KCNB2: variants seen among roughly 807,000 people sequenced by gnomAD.
The protein encoded by KCNB2 is delayed rectifier potassium channel protein.
KCNB2 carries 15 observed loss-of-function variants against 61.5 expected under a neutral mutation model. The observed-to-expected ratio is 0.24, with a 90% CI of 0.16 to 0.38. The LOEUF is 0.38. Ranked by LOEUF, KCNB2 falls within the 10% of genes least tolerant of loss-of-function variation. KCNB2 has a pLI of 1.00. For synonymous variants in KCNB2, 457 were observed against 446.0 expected (o/e 1.02, Z -0.31); for missense variants, 828 against 1,125.2 (o/e 0.74, Z 3.78).
At chr8:72,630,278 A>AT (rs942026152) in intron 2 of KCNB2, among the ~76,000 whole-genome samples, 215 of 151,734 alleles carry the variant, frequency 1.4e-3, no homozygotes, top group African/African-American at 4.7e-3. Flanking sequence ...CTTCAAGCAA[A>AT]TTTTTTTTTC....
chr8:72,543,315 A>G (rs769017120), intron 1 of KCNB2, among the ~76,000 whole-genome samples: 2 of 152,238 alleles, frequency 1.3e-5, no homozygotes, highest in Non-Finnish European at 2.9e-5. Context: ...TAAAAGATGT[A>G]CTAAAATAGA....
chr8:72,758,436 G>C (rs985378735), intron 2 of KCNB2, among the ~76,000 whole-genome samples: 20 of 152,154 alleles, frequency 1.3e-4, no homozygotes, highest in African/African-American at 4.8e-4. Context: ...AGCCGAACAG[G>C]CTCAAAACAA....
chr8:72,815,979 G>C (rs919417058), intron 2 of KCNB2, among the ~76,000 whole-genome samples: 1 of 152,132 alleles, frequency 6.6e-6, no homozygotes, highest in African/African-American at 2.4e-5. Context: ...ATAGCAATGA[G>C]AGAGGAGAGA....
chr8:72,919,804 T>C (rs988532450), intron 2 of KCNB2, among the ~76,000 whole-genome samples: 1 of 152,242 alleles, frequency 6.6e-6, no homozygotes, highest in African/African-American at 2.4e-5. Flanking sequence ...TGTATTTTTA[T>C]CTGTAGACTA....
chr8:72,820,773 CCT>C (rs1455501746), intron 2 of KCNB2, among the ~76,000 whole-genome samples: 2 of 152,100 alleles, frequency 1.3e-5, no homozygotes, highest in Non-Finnish European at 2.9e-5. Context: ...CACTTCTGAT[CCT>C]CTCTGTCAGA....
At chr8:72,667,497 G>A (rs367747021) in intron 2 of KCNB2, among the ~76,000 whole-genome samples, 7 of 151,762 alleles carry the variant, frequency 4.6e-5, no homozygotes, top group Admixed American at 1.3e-4. Flanking sequence ...AGTCTTCTTC[G>A]TTTTGGTAAA....
At chr8:72,928,387 G>T (rs1173577284) in intron 2 of KCNB2, among the ~76,000 whole-genome samples, 2 of 151,894 alleles carry the variant, frequency 1.3e-5, no homozygotes, top group Admixed American at 6.6e-5. Context: ...GTAGAGACAA[G>T]ATTTCACCAT....
chr8:72,538,921 G>C (rs1336213177), intron 1 of KCNB2, among the ~76,000 whole-genome samples: 1 of 152,140 alleles, frequency 6.6e-6, no homozygotes, highest in East Asian at 1.9e-4. Flanking sequence ...ACATTTCATA[G>C]GACAAGCGAG....
At chr8:72,791,053 G>A (rs185692159) in intron 2 of KCNB2, among the ~76,000 whole-genome samples, 325 of 152,304 alleles carry the variant, frequency 2.1e-3, no homozygotes, top group Non-Finnish European at 3.6e-3. Flanking sequence ...TCTTCCCAAG[G>A]ATTTGCATGT....
intron 2 of KCNB2, among the ~76,000 whole-genome samples, chr8:72,849,872 A>C (rs1206341558): frequency 6.6e-6 from 1 of 152,142 alleles, no homozygotes; most frequent in Non-Finnish European, 1.5e-5. Flanking sequence ...CTAACATCTA[A>C]CAATTATGTG....
chr8:72,699,877 A>G (rs532077204), intron 2 of KCNB2, among the ~76,000 whole-genome samples: 5 of 152,306 alleles, frequency 3.3e-5, no homozygotes, highest in South Asian at 2.1e-4. Flanking sequence ...TCATTCTACC[A>G]TAAAGACACA....
At chr8:72,695,041 C>A (rs1806997060) in intron 2 of KCNB2, among the ~76,000 whole-genome samples, 1 of 151,952 alleles carries the variant, frequency 6.6e-6, no homozygotes, top group East Asian at 1.9e-4. Flanking sequence ...GATAAAACTT[C>A]ATCATTATAT....
intron 2 of KCNB2, among the ~76,000 whole-genome samples, chr8:72,849,502 A>G (rs896118301): frequency 6.6e-6 from 1 of 152,154 alleles, no homozygotes; most frequent in Non-Finnish European, 1.5e-5. Context: ...AATCTTTCTA[A>G]TGCTAAGCAC....
At chr8:72,598,409 G>C (rs935705160) in intron 2 of KCNB2, among the ~76,000 whole-genome samples, 36 of 152,184 alleles carry the variant, frequency 2.4e-4, no homozygotes, top group African/African-American at 8.0e-4. Context: ...AACGCTTCAT[G>C]CTAAAAACTC....
intron 2 of KCNB2, among the ~76,000 whole-genome samples, chr8:72,874,462 T>A (rs993087685): frequency 1.3e-5 from 2 of 152,124 alleles, no homozygotes; most frequent in Non-Finnish European, 2.9e-5. Flanking sequence ...CCTAAGTCTG[T>A]ATCTAAGGCC....
At chr8:72,590,574 A>G (rs960924606) in intron 2 of KCNB2, among the ~76,000 whole-genome samples, 70 of 152,354 alleles carry the variant, frequency 4.6e-4, no homozygotes, top group African/African-American at 1.7e-3. Context: ...ATATGAGTAT[A>G]GCAAGGACTA....
chr8:72,912,489 C>CATATATAT (rs5892374), intron 2 of KCNB2, among the ~76,000 whole-genome samples: 163 of 137,304 alleles, frequency 1.2e-3, no homozygotes, highest in African/African-American at 3.4e-3. Flanking sequence ...AGCTTTTATT[C>CATATATAT]ATATATATAT....
Position 72,561,755 on chromosome 8 carries a change from A to G in KCNB2, c.-93-5887A>G, listed in dbSNP as rs1411587663. Among the ~76,000 whole-genome samples, 16 of 23,566 alleles carry G rather than the reference A, an allele frequency of 6.8e-4. 1 individual carries two copies. The highest frequency in any genetic ancestry group is 8.2e-4 in the Non-Finnish European group (13 of 15,860). The allele number at this position is 23,566 out of a possible 152,430, so 15.5% of individuals were successfully genotyped here. The stretch of plus-strand genomic sequence containing the variant: ...TATATCTATATATATATGTATATAT[A>G]TATATGGATATATATATATATGGAT... On this transcript the variant is annotated intron_variant, in intron 1 of 2. Transcript: ENST00000523207.
At chr8:72,722,339 T>A (rs1383222943) in intron 2 of KCNB2, among the ~76,000 whole-genome samples, 1 of 152,216 alleles carries the variant, frequency 6.6e-6, no homozygotes, top group East Asian at 1.9e-4. Flanking sequence ...TTCTCATTGC[T>A]TGCACAATTA....
Sources: gnomAD v4.1 joint callset for allele counts (sites outside exome capture counted in the v4.1 genomes callset) on GRCh38, gnomAD v4.1.1 for gene constraint, MANE v1.5 for transcripts, NCBI Gene and HGNC (gene_info 2026-07-23, HGNC 2026-07-21) for gene names.